The following CPNE4 variants were observed in gnomAD, a reference collection of about 807,000 sequenced individuals.
The protein encoded by CPNE4 is copine-4.
A neutral mutation model predicts 67.9 loss-of-function variants in CPNE4; 25 were observed. That is an observed-to-expected ratio of 0.37 (90% CI 0.27 to 0.51). The LOEUF (loss-of-function observed/expected upper bound fraction) is 0.51, where lower values mean the gene tolerates loss of function less well. Ranked by LOEUF, CPNE4 falls within the 20% of genes least tolerant of loss-of-function variation. The probability of loss-of-function intolerance (pLI) is 0.93; values close to 1 mark genes in which losing one functional copy is unlikely to be tolerated. For missense variants in CPNE4, 464 were observed against 690.8 expected (o/e 0.67, Z 3.68); for synonymous variants, 242 against 244.9 (o/e 0.99, Z 0.11).
At chr3:132,001,887 T>C (rs2073460679) in intron 1 of CPNE4, among the ~76,000 whole-genome samples, 1 of 152,140 alleles carries the variant, frequency 6.6e-6, no homozygotes, top group African/African-American at 2.4e-5. Context: ...TTAATTCTGG[T>C]AACCAATATA....
At chr3:131,931,764 A>G (rs928305638) in intron 1 of CPNE4, among the ~76,000 whole-genome samples, 1 of 152,154 alleles carries the variant, frequency 6.6e-6, no homozygotes, top group African/African-American at 2.4e-5. Flanking sequence ...GGGCATAGTG[A>G]ACAAAGGGGT....
chr3:131,644,095 AGG>A (rs1250048874), intron 7 of CPNE4, among the ~76,000 whole-genome samples: 4 of 151,976 alleles, frequency 2.6e-5, no homozygotes, highest in Non-Finnish European at 4.4e-5. Flanking sequence ...CATCACCCAG[AGG>A]GCTTGAATTT....
intron 1 of CPNE4, among the ~76,000 whole-genome samples, chr3:132,020,676 T>C (rs1452404178): frequency 1.3e-5 from 2 of 152,156 alleles, no homozygotes; most frequent in African/African-American, 4.8e-5. Flanking sequence ...CTCCAAGTAA[T>C]TCATCCATAG....
At chr3:131,857,541 C>T (rs1366554671) in intron 2 of CPNE4, among the ~76,000 whole-genome samples, 1 of 152,014 alleles carries the variant, frequency 6.6e-6, no homozygotes, top group Non-Finnish European at 1.5e-5. Flanking sequence ...ATTTCTCAGT[C>T]TCCCTGAGCC....
chr3:131,782,083 C>T (rs2083444480), intron 2 of CPNE4, among the ~76,000 whole-genome samples: 1 of 152,080 alleles, frequency 6.6e-6, no homozygotes, highest in Non-Finnish European at 1.5e-5. Flanking sequence ...AAAAATACCA[C>T]TACTTTTATA....
chr3:131,785,967 G>T (rs561643380), intron 2 of CPNE4, among the ~76,000 whole-genome samples: 2 of 152,046 alleles, frequency 1.3e-5, no homozygotes, highest in African/African-American at 2.4e-5. Context: ...CTTTCATGAT[G>T]CTTTCTTTGC....
chr3:131,666,484 C>A (rs1188332013), intron 7 of CPNE4, among the ~76,000 whole-genome samples: 1 of 151,840 alleles, frequency 6.6e-6, no homozygotes, highest in Admixed American at 6.6e-5. Flanking sequence ...GAATTCATTC[C>A]AGAAAGCAAG....
chr3:131,884,532 A>G (rs896201189), intron 2 of CPNE4, among the ~76,000 whole-genome samples: 5 of 152,170 alleles, frequency 3.3e-5, no homozygotes, highest in South Asian at 2.1e-4. Context: ...TGAAATCTGA[A>G]GTCAGAGTGT....
chr3:131,544,755 T>C (rs1206944249), intron 14 of CPNE4, among the ~76,000 whole-genome samples: 2 of 151,964 alleles, frequency 1.3e-5, no homozygotes, highest in Non-Finnish European at 2.9e-5. Context: ...CTCTCTAGAG[T>C]GCACCTGGAA....
intron 7 of CPNE4, among the ~76,000 whole-genome samples, chr3:131,663,602 C>T (rs1421529042): frequency 6.6e-6 from 1 of 152,114 alleles, no homozygotes; most frequent in Non-Finnish European, 1.5e-5. Flanking sequence ...AAAATGAAGA[C>T]TCCAGGACCA....
intron 7 of CPNE4, among the ~76,000 whole-genome samples, chr3:131,626,829 C>T (rs1225212813): frequency 6.6e-6 from 1 of 152,198 alleles, no homozygotes; most frequent in East Asian, 1.9e-4. Flanking sequence ...GAAAGACAGG[C>T]TGACTCACCT....
At chr3:131,854,281 GTACATT>G (rs2086352884) in intron 2 of CPNE4, among the ~76,000 whole-genome samples, 1 of 151,942 alleles carries the variant, frequency 6.6e-6, no homozygotes, top group African/African-American at 2.4e-5. Context: ...ACAAAAAAGA[GTACATT>G]TACATGAACT....
chr3:131,970,872 G>A (rs943366236), intron 1 of CPNE4, among the ~76,000 whole-genome samples: 5 of 152,214 alleles, frequency 3.3e-5, no homozygotes, highest in Non-Finnish European at 7.3e-5. Flanking sequence ...GAGGGTAGCA[G>A]CATTTCCCAA....
intron 1 of CPNE4, among the ~76,000 whole-genome samples, chr3:131,992,765 T>C (rs992867204): frequency 3.7e-5 from 5 of 136,134 alleles, no homozygotes; most frequent in African/African-American, 1.2e-4. Context: ...AGGGACCTGG[T>C]GGGAGGTAAT....
intron 10 of CPNE4, among the ~76,000 whole-genome samples, chr3:131,572,113 C>A (rs538818650): frequency 2.0e-5 from 3 of 152,010 alleles, no homozygotes; most frequent in African/African-American, 7.2e-5. Context: ...AGAAAGATGC[C>A]CCCATCTTTA....
At chr3:131,816,108 T>C (rs775997718) in intron 2 of CPNE4, among the ~76,000 whole-genome samples, 30 of 152,170 alleles carry the variant, frequency 2.0e-4, no homozygotes, top group Non-Finnish European at 3.2e-4. Flanking sequence ...CTGTTACATA[T>C]AGAATACTTG....
In CPNE4 at chr3:131,801,884, C is replaced by CAAAAA. The variant is rs766283450; in HGVS notation, c.181-78264_181-78260dup. Among the ~76,000 whole-genome samples, 37 of 44,436 alleles carry CAAAAA rather than the reference C, an allele frequency of 8.3e-4. 11 individuals are homozygous for CAAAAA. Among genetic ancestry groups the CAAAAA allele is most frequent in the Non-Finnish European group, 1.1e-3 (26 of 23,640 alleles). 29.2% of individuals were successfully genotyped at this position (44,436 alleles called of 152,430 possible). A position where few individuals can be genotyped will look rare whatever the true frequency, so the allele number is the denominator to read the frequency against. ...ATTTGAAAAGAACTAAGCCAAATGC[C>CAAAAA]AAAAAAAAAAAAAAAGAATGTAGAC... is the stretch of plus-strand genomic sequence containing the variant. On this transcript the variant is annotated intron_variant, in intron 2 of 15. Coordinates refer to ENST00000429747, the MANE Select transcript of CPNE4 (RefSeq NM_130808.3).
chr3:131,892,156 A>G (rs1426824128), intron 2 of CPNE4, among the ~76,000 whole-genome samples: 1 of 152,134 alleles, frequency 6.6e-6, no homozygotes, highest in East Asian at 1.9e-4. Flanking sequence ...CACTGCCCCT[A>G]TAAAAATCCT....
rs372748102 is a variant in CPNE4 at position 131,979,360 on chromosome 3, G to A, written c.-2+55207C>T. ...ATTAGTAATTGTTTTCTAAATGTGG[G>A]TGCTCCAGTGTTAGGTGCATATCTG... On this transcript the variant is annotated intron_variant, in intron 1 of 15. Coordinates refer to ENST00000429747, the MANE Select transcript of CPNE4 (RefSeq NM_130808.3). Among the ~76,000 whole-genome samples, 156 of 152,186 alleles carry A rather than the reference G, an allele frequency of 1.0e-3. No individual in the cohort carries two copies. The Middle Eastern group carries it at 0.037, about 37-fold the overall frequency.
Sources: gnomAD v4.1 joint callset for allele counts (sites outside exome capture counted in the v4.1 genomes callset) on GRCh38, gnomAD v4.1.1 for gene constraint, MANE v1.5 for transcripts, NCBI Gene and HGNC (gene_info 2026-07-23, HGNC 2026-07-21) for gene names.